TMEM181: variants seen among roughly 807,000 people sequenced by gnomAD.
TMEM181 encodes transmembrane protein 181.
In TMEM181, 39 loss-of-function variants were observed where a neutral mutation model predicts 71.9. The observed-to-expected ratio is 0.54, with a 90% confidence interval of 0.42 to 0.71. The LOEUF is 0.71. Ranked by LOEUF, TMEM181 falls within the 30% of genes least tolerant of loss-of-function variation. The pLI is 0.00. For synonymous variants in TMEM181, 245 were observed against 228.8 expected (o/e 1.07, Z -0.64); for missense variants, 595 against 583.0 (o/e 1.02, Z -0.21).
intron 1 of TMEM181, among the ~76,000 whole-genome samples, chr6:158,547,563 C>A (rs1351132611): frequency 6.6e-6 from 1 of 152,184 alleles, no homozygotes; most frequent in African/African-American, 2.4e-5. Flanking sequence ...TGGAAGTCAC[C>A]ATTGACACAG....
At chr6:158,571,305 G>GC (rs201843869) in intron 1 of TMEM181, among the ~76,000 whole-genome samples, 5,880 of 149,162 alleles carry the variant, frequency 0.039, 246 homozygotes, top group East Asian at 0.11. Flanking sequence ...CACCGTGTTA[G>GC]CAGGATGGTC....
At chr6:158,574,878 G>A (rs973950117) in intron 2 of TMEM181, among the ~76,000 whole-genome samples, 9 of 152,216 alleles carry the variant, frequency 5.9e-5, no homozygotes, top group African/African-American at 2.2e-4. Context: ...AGAGCCCATG[G>A]TGTAGTTCCA....
At chr6:158,626,816 C>G (rs914689492) in intron 13 of TMEM181, 10 of 404,402 alleles carry the variant, frequency 2.5e-5, no homozygotes, top group Non-Finnish European at 4.6e-5. Flanking sequence ...ACTGACCCAC[C>G]CTCACACACA....
chr6:158,618,171 G>T lies in TMEM181; in HGVS notation c.897-5379G>T, dbSNP rs567866091. 1.4e-3 allele frequency among the ~76,000 whole-genome samples: 213 copies of T among 152,298 alleles called. No homozygotes were observed. The Middle Eastern group carries it at 0.017, about 12-fold the overall frequency. ...ATGAATCTGGTTGCTCCTGTATTGG[G>T]TGCATATATATTTAGGATAGTTAGC... On this transcript the variant is annotated intron_variant, in intron 10 of 16. Coordinates refer to ENST00000684151, the MANE Select transcript of TMEM181 (RefSeq NM_001376852.1).
In TMEM181 at chr6:158,573,333, G is replaced by A. The variant is rs371734903; in HGVS notation, c.9-87G>A. 3.2e-6 allele frequency: 3 copies of A among 929,582 alleles called. No homozygotes were observed. The South Asian group carries it at 4.6e-5, about 14-fold the overall frequency. The allele number at this position is 929,582 out of a possible 1,614,324, so 57.6% of individuals were successfully genotyped here. On this transcript the variant is annotated intron_variant, in intron 1 of 16. Transcript: ENST00000684151. ...TGGGAGGGGAGGTGGGCAGTGTCGT[G>A]TGGGGAGGGGTGTTGCTGCAGGGCC...
intron 13 of TMEM181, among the ~76,000 whole-genome samples, chr6:158,627,025 TCA>T (rs956069929): frequency 7.2e-6 from 1 of 138,660 alleles, no homozygotes; most frequent in African/African-American, 2.8e-5. Context: ...CCTCTCACTC[TCA>T]CACATCCTTA....
chr6:158,589,250 T>G (rs1395834763), intron 5 of TMEM181, among the ~76,000 whole-genome samples: 2 of 152,190 alleles, frequency 1.3e-5, no homozygotes, highest in African/African-American at 4.8e-5. Context: ...AATGTGTAAT[T>G]CACTCTGTTC....
intron 10 of TMEM181, among the ~76,000 whole-genome samples, chr6:158,616,212 T>C (rs1785603972): frequency 1.3e-5 from 2 of 152,154 alleles, no homozygotes; most frequent in Non-Finnish European, 2.9e-5. Flanking sequence ...CCCTTGTAAG[T>C]TGGATTCCTA....
At chr6:158,585,575 T>A in intron 5 of TMEM181, 150 bp downstream of exon 5, 1 of 1,059,712 alleles carries the variant, frequency 9.4e-7, no homozygotes, top group South Asian at 2.6e-5. Context: ...AAAGATGGCA[T>A]GAAAAAACTT....
rs762903379 is a variant in TMEM181, at chr6:158,608,405, T to C, written c.746T>C (p.Met249Thr). The C allele has an allele frequency of 3.7e-6, 6 of 1,614,128 alleles. No individual in the cohort carries two copies. The highest frequency in any genetic ancestry group is 4.2e-6 in the Non-Finnish European group (5 of 1,180,044). The change falls in exon 9 of 17, where the codon ATG (methionine) becomes ACG (threonine). Residue 249 changes from methionine (M) to threonine (T), a missense_variant. By Grantham distance (81) the Met-to-Thr change is moderately conservative (BLOSUM62 -1). Coordinates refer to ENST00000684151, the MANE Select transcript of TMEM181 (RefSeq NM_001376852.1). Reference protein sequence around the residue: ...PGMLDDLFQSMFLCALLLFWL... With the variant: ...PGMLDDLFQSTFLCALLLFWL... ...ATGCTGGATGACCTCTTTCAGTCCA[T>C]GTTCCTGTGCGCCCTGCTGCTCTTC... is the stretch of plus-strand genomic sequence containing the variant.
intron 2 of TMEM181, among the ~76,000 whole-genome samples, chr6:158,575,913 C>T (rs1049770077): frequency 1.3e-5 from 2 of 152,158 alleles, no homozygotes; most frequent in Non-Finnish European, 2.9e-5. Context: ...GATAGTGATA[C>T]GTTTTGGAAC....
At chr6:158,587,540 G>C (rs1783838139) in intron 5 of TMEM181, among the ~76,000 whole-genome samples, 1 of 151,480 alleles carries the variant, frequency 6.6e-6, no homozygotes, top group Non-Finnish European at 1.5e-5. Context: ...ATGTTGCCCA[G>C]GCTGGCTTTG....
At chr6:158,613,734 A>G (rs1014190007) in intron 10 of TMEM181, among the ~76,000 whole-genome samples, 10 of 152,240 alleles carry the variant, frequency 6.6e-5, no homozygotes, top group Non-Finnish European at 1.5e-4. Context: ...AAGAAAATAT[A>G]TTCTTACCGC....
At chr6:158,589,568 A>G in intron 5 of TMEM181, 104 bp from the exon 6 acceptor site, 5 of 812,724 alleles carry the variant, frequency 6.2e-6, no homozygotes, top group Non-Finnish European at 1.0e-5. Context: ...CCTGGAGACA[A>G]TGAGTTCTGC....
chr6:158,549,896 T>C (rs1223569406), intron 1 of TMEM181, among the ~76,000 whole-genome samples: 1 of 151,918 alleles, frequency 6.6e-6, no homozygotes, highest in Non-Finnish European at 1.5e-5. Flanking sequence ...ACTAGGCATT[T>C]ATGCGTAAGT....
chr6:158,600,970 A>G (rs1784636305), intron 6 of TMEM181, among the ~76,000 whole-genome samples: 1 of 152,072 alleles, frequency 6.6e-6, no homozygotes, highest in Admixed American at 6.6e-5. Flanking sequence ...GATGGTAGCA[A>G]TTCTTTTTTC....
chr6:158,582,542 G>A (rs1783538683), intron 3 of TMEM181, among the ~76,000 whole-genome samples: 1 of 152,128 alleles, frequency 6.6e-6, no homozygotes, highest in Admixed American at 6.5e-5. Flanking sequence ...GGGCATACCT[G>A]TAGTCCCAGC....
chr6:158,631,538 C>T (rs969775370), intron 16 of TMEM181, 149 bp downstream of exon 16: 33 of 931,436 alleles, frequency 3.5e-5, no homozygotes, highest in Non-Finnish European at 5.3e-5. Context: ...TTTCTGTTTT[C>T]ACAGTATTCA....
chr6:158,584,176 C>A, intron 4 of TMEM181, 132 bp downstream of exon 4: 1 of 730,804 alleles, frequency 1.4e-6, no homozygotes, highest in Non-Finnish European at 2.1e-6. Flanking sequence ...TATTATTTAT[C>A]ATAGCAACAA....
Sources: allele counts gnomAD v4.1 joint callset (sites outside exome capture counted in the v4.1 genomes callset), GRCh38; gene constraint gnomAD v4.1.1; transcripts MANE v1.5; gene names NCBI Gene and HGNC (gene_info 2026-07-23, HGNC 2026-07-21).